SYNE2: variants seen among roughly 807,000 people sequenced by gnomAD.
The protein encoded by SYNE2 is nesprin-2.
A neutral mutation model predicts 856.3 loss-of-function variants in SYNE2; 431 were observed. The observed-to-expected ratio is 0.50, with a 90% CI of 0.47 to 0.55. The LOEUF (loss-of-function observed/expected upper bound fraction) is 0.55. Ranked by LOEUF, SYNE2 falls within the 20% of genes least tolerant of loss-of-function variation. The probability of loss-of-function intolerance (pLI) is 0.00; values close to 1 mark genes in which losing one functional copy is unlikely to be tolerated. For synonymous variants in SYNE2, 2,923 were observed against 2,872.3 expected (o/e 1.02, Z -0.56); for missense variants, 8,129 against 8,023.2 (o/e 1.01, Z -0.50).
intron 96 of SYNE2, among the ~76,000 whole-genome samples, chr14:64,185,194 C>G (rs530442319): frequency 1.3e-5 from 2 of 152,176 alleles, no homozygotes; most frequent in African/African-American, 2.4e-5. Flanking sequence ...AGAGGTCAGT[C>G]GAGGCTGCAG....
At chr14:63,833,320 A>G (rs902061317) in intron 1 of SYNE2, among the ~76,000 whole-genome samples, 1 of 152,224 alleles carries the variant, frequency 6.6e-6, no homozygotes, top group African/African-American at 2.4e-5. Flanking sequence ...ATGTTCTGCC[A>G]TACCAAATAT....
At chr14:64,150,436 G>T (rs1429125164) in intron 84 of SYNE2, among the ~76,000 whole-genome samples, 1 of 151,992 alleles carries the variant, frequency 6.6e-6, no homozygotes, top group Non-Finnish European at 1.5e-5. Context: ...TCCCAGGCTG[G>T]TGTCAAACTC....
rs913135826 is a variant in SYNE2 at position 64,209,240 on chromosome 14, C to T, written c.18390-188C>T. On this transcript the variant is annotated intron_variant, in intron 101 of 115. Coordinates refer to ENST00000555002, the MANE Select transcript of SYNE2 (RefSeq NM_182914.3). The stretch of plus-strand genomic sequence containing the variant: ...TCCTGGTTTTTTAACCTCTGTGAAG[C>T]AGGAGCTCTGAGCTGCTTGGCGCTC... The T allele has an allele frequency of 3.0e-6, 3 of 996,910 alleles. No individual in the cohort carries two copies. In the African/African-American group the frequency reaches 4.9e-5, roughly 16 times the overall value. The allele number at this position is 996,910 out of a possible 1,614,324, so 61.8% of individuals were successfully genotyped here.
At chr14:64,080,314 A>G in intron 55 of SYNE2, 142 bp from the exon 56 acceptor site, 3 of 863,060 alleles carry the variant, frequency 3.5e-6, no homozygotes, top group Non-Finnish European at 3.8e-6. Flanking sequence ...ATTGCTGGGT[A>G]TAAATTAACA....
chr14:64,143,525 T>A (rs1040136877), intron 82 of SYNE2, among the ~76,000 whole-genome samples: 1 of 152,178 alleles, frequency 6.6e-6, no homozygotes, highest in African/African-American at 2.4e-5. Context: ...GCAACTGCCA[T>A]ACATAGTGCC....
At chr14:63,994,023 C>T (rs2096691346) in intron 22 of SYNE2, 54 bp downstream of exon 22, 3 of 1,586,556 alleles carry the variant, frequency 1.9e-6, no homozygotes, top group African/African-American at 1.3e-5. Context: ...TGATCCTGGG[C>T]TGTTGGTTGT....
In SYNE2 at chr14:64,213,010, G is replaced by C; in HGVS notation, c.19056+5G>C. 1 of 1,612,746 alleles carries C rather than the reference G, an allele frequency of 6.2e-7. No homozygotes were observed. Among genetic ancestry groups the C allele is most frequent in the African/African-American group, 1.3e-5 (1 of 75,006 alleles). On this transcript the variant is annotated splice_donor_5th_base_variant and intron_variant, in intron 105 of 115. Transcript: ENST00000555002. Reference sequence around the variant, plus strand: ...CGGCTCACCTCCTGCACTCCGGTACGGGCACTGCTGCCTAGAAATGGCACC... The same window carrying C: ...CGGCTCACCTCCTGCACTCCGGTACCGGCACTGCTGCCTAGAAATGGCACC...
intron 94 of SYNE2, among the ~76,000 whole-genome samples, chr14:64,170,914 A>G (rs1027726885): frequency 1.1e-4 from 16 of 152,304 alleles, no homozygotes; most frequent in African/African-American, 2.9e-4. Flanking sequence ...TAGGGTGACT[A>G]TAGTCGATAA....
At chr14:63,894,052 C>T (rs1023772546) in intron 1 of SYNE2, among the ~76,000 whole-genome samples, 1 of 152,136 alleles carries the variant, frequency 6.6e-6, no homozygotes, top group African/African-American at 2.4e-5. Context: ...CCAAGTTACC[C>T]AATGACAGAC....
intron 106 of SYNE2, 69 bp downstream of exon 106, chr14:64,214,539 C>A: frequency 1.4e-6 from 2 of 1,462,140 alleles, no homozygotes; most frequent in Non-Finnish European, 1.9e-6. Context: ...CTTAGCAACA[C>A]GGCCAGCTCT....
At chr14:63,912,081 G>C (rs2095480054) in intron 2 of SYNE2, among the ~76,000 whole-genome samples, 1 of 152,126 alleles carries the variant, frequency 6.6e-6, no homozygotes, top group Admixed American at 6.5e-5. Flanking sequence ...AGGTGACGCT[G>C]GGCAGTCTGT....
intron 50 of SYNE2, among the ~76,000 whole-genome samples, chr14:64,065,072 C>T (rs1387527005): frequency 1.3e-5 from 2 of 151,954 alleles, no homozygotes; most frequent in African/African-American, 4.8e-5. Flanking sequence ...AACATGTTGG[C>T]CAGGATGGTC....
At chr14:64,132,068 G>A (rs2098027589) in intron 76 of SYNE2, among the ~76,000 whole-genome samples, 197 bp from the exon 77 acceptor site, 1 of 151,996 alleles carries the variant, frequency 6.6e-6, no homozygotes, top group Admixed American at 6.6e-5. Context: ...CAAATGACTG[G>A]GATTACGGGC....
intron 33 of SYNE2, among the ~76,000 whole-genome samples, chr14:64,017,186 G>A (rs770500011): frequency 3.3e-5 from 5 of 151,732 alleles, no homozygotes; most frequent in African/African-American, 9.7e-5. Flanking sequence ...AATATTAGCC[G>A]GGCATGGTGG....
chr14:63,804,159 C>T (rs980501024), intron 1 of SYNE2, among the ~76,000 whole-genome samples: 36 of 152,320 alleles, frequency 2.4e-4, no homozygotes, highest in African/African-American at 8.7e-4. Flanking sequence ...TACCCAGTCT[C>T]AGGTAGTTCT....
Position 64,168,861 on chromosome 14 carries a change from T to G in SYNE2, c.16906-16T>G, listed in dbSNP as rs370677466. The stretch of plus-strand genomic sequence containing the variant: ...AATTTTACTAGCTGATATTTTCTGC[T>G]TGGACTCATATACAGATGTTAGAAG... On this transcript the variant is annotated splice_polypyrimidine_tract_variant and intron_variant, in intron 92 of 115. Coordinates refer to ENST00000555002, the MANE Select transcript of SYNE2 (RefSeq NM_182914.3). 1.9e-6 allele frequency: 3 copies of G among 1,564,690 alleles called. No homozygotes were observed. The highest frequency in any genetic ancestry group is 4.5e-5 in the East Asian group (2 of 44,674).
rs2096946331 is a variant in SYNE2, at chr14:64,022,830, AAAG to A, written c.5606_5608del (p.Lys1869del). On this transcript the variant is annotated inframe_deletion, in exon 38 of 116. Coordinates refer to ENST00000555002, the MANE Select transcript of SYNE2 (RefSeq NM_182914.3). ...AGTGTTTTGAATCATCAGAAACAAA[AAAG>A]AGTGTGGAACAAAAGCTACAAAAAC... The A allele has an allele frequency of 6.2e-7, 1 of 1,609,940 alleles. No individual in the cohort carries two copies. The highest frequency in any genetic ancestry group is 1.7e-5 in the Admixed American group (1 of 59,938).
At chr14:64,142,397 T>G (rs1334124521) in intron 82 of SYNE2, among the ~76,000 whole-genome samples, 2 of 152,112 alleles carry the variant, frequency 1.3e-5, no homozygotes, top group Non-Finnish European at 2.9e-5. Context: ...TGATTTTGAT[T>G]CCTTAACTGT....
chr14:63,835,572 T>C (rs1470611851), intron 1 of SYNE2, among the ~76,000 whole-genome samples: 1 of 134,182 alleles, frequency 7.5e-6, no homozygotes, highest in Non-Finnish European at 1.5e-5. Context: ...TTTGCGTGTG[T>C]GTGTGTGTGT....
Sources: allele counts gnomAD v4.1 joint callset (sites outside exome capture counted in the v4.1 genomes callset), GRCh38; gene constraint gnomAD v4.1.1; transcripts MANE v1.5; gene names NCBI Gene and HGNC (gene_info 2026-07-23, HGNC 2026-07-21).